DACH2: variants seen among roughly 807,000 people sequenced by gnomAD.
The protein encoded by DACH2 is dachshund family transcription factor 2, also known as dachshund homolog 2.
A neutral mutation model predicts 35.8 loss-of-function variants in DACH2; 17 were observed. That is an observed-to-expected ratio of 0.48 (90% CI 0.33 to 0.71). DACH2 has a LOEUF of 0.71. DACH2 is among the 30% of genes least tolerant of loss of function. The probability of loss-of-function intolerance (pLI) is 0.02; values close to 1 mark genes in which losing one functional copy is unlikely to be tolerated. For synonymous variants in DACH2, 195 were observed against 177.3 expected (o/e 1.10, Z -0.79); for missense variants, 469 against 472.7 (o/e 0.99, Z 0.07).
chrX:86,466,247 G>T (rs1429839559), intron 2 of DACH2, among the ~76,000 whole-genome samples: 2 of 111,460 alleles, frequency 1.8e-5, no homozygotes, highest in East Asian at 5.7e-4. Context: ...TATGAGAACA[G>T]TATGGGGTAA....
intron 2 of DACH2, among the ~76,000 whole-genome samples, chrX:86,398,554 G>T (rs1040101411): frequency 5.4e-5 from 6 of 111,773 alleles, no homozygotes; most frequent in African/African-American, 1.6e-4. Flanking sequence ...TCTACACACT[G>T]CTTTGAATGT....
At chrX:86,755,846 C>T (rs986002561) in intron 7 of DACH2, among the ~76,000 whole-genome samples, 11 of 110,336 alleles carry the variant, frequency 1.0e-4, no homozygotes, top group Non-Finnish European at 1.9e-4. Flanking sequence ...ATCCACCCGC[C>T]TCAGCCTCTC....
chrX:86,468,447 T>TTTTTAGCAGACTGTATCCCAC (rs1462016412), intron 2 of DACH2, among the ~76,000 whole-genome samples: 3 of 111,440 alleles, frequency 2.7e-5, no homozygotes, highest in Admixed American at 9.6e-5. Context: ...TCTTATTCCA[T>TTTTTAGCAGACTGTATCCCAC]TTTTAGCAGA....
intron 2 of DACH2, 43 bp from the exon 3 acceptor site, chrX:86,514,236 G>A (rs1185649521): frequency 5.5e-6 from 6 of 1,099,527 alleles, no homozygotes; most frequent in Non-Finnish European, 7.5e-6. Flanking sequence ...CTCAAAAAGA[G>A]TACATTTTTA....
At position 86,770,342 on chromosome X, in the gene DACH2, A is replaced by G. The variant is rs767403049; in HGVS notation, c.1240+30460A>G. Among the ~76,000 whole-genome samples, 6 of 111,993 alleles carry G rather than the reference A, an allele frequency of 5.4e-5. No individual in the cohort carries two copies. In the East Asian group the frequency reaches 1.7e-3, roughly 32 times the overall value. The stretch of plus-strand genomic sequence containing the variant: ...ACTTAAGTGCTAGACACCTTAGTTC[A>G]GAACATATTTTGAGGAATCATGGAG... On this transcript the variant is annotated intron_variant, in intron 7 of 11. Coordinates refer to ENST00000373125, the MANE Select transcript of DACH2 (RefSeq NM_053281.3).
In DACH2 at chrX:86,539,144, G is replaced by A. The variant is rs764549167; in HGVS notation, c.640+24753G>A. 2.7e-5 allele frequency among the ~76,000 whole-genome samples: 3 copies of A among 110,935 alleles called. No homozygotes were observed. In the South Asian group the frequency reaches 1.2e-3, roughly 43 times the overall value. ...CCCGGCTGGAGATGATTAGATCATG[G>A]GAGTGGTTTCCCCCTTGCTCTTCTT... On this transcript the variant is annotated intron_variant, in intron 3 of 11. Coordinates refer to ENST00000373125, the MANE Select transcript of DACH2 (RefSeq NM_053281.3).
intron 3 of DACH2, among the ~76,000 whole-genome samples, chrX:86,556,937 A>C (rs2039139614): frequency 9.4e-6 from 1 of 106,743 alleles, no homozygotes; most frequent in South Asian, 4.3e-4. Flanking sequence ...GATGTAATTC[A>C]GTCCGAGTGT....
intron 7 of DACH2, among the ~76,000 whole-genome samples, chrX:86,795,878 G>C (rs868866548): frequency 2.3e-5 from 2 of 88,138 alleles, no homozygotes; most frequent in South Asian, 7.7e-4. Context: ...CGGTGGGTTC[G>C]TGGTCTTGCT....
At chrX:86,369,164 C>T (rs1289069899) in intron 1 of DACH2, among the ~76,000 whole-genome samples, 1 of 110,466 alleles carries the variant, frequency 9.1e-6, no homozygotes, top group East Asian at 2.9e-4. Flanking sequence ...GATTTTGAAC[C>T]TGTAAACAAA....
chrX:86,323,035 G>A (rs1185458229), intron 1 of DACH2, among the ~76,000 whole-genome samples: 2 of 112,759 alleles, frequency 1.8e-5, no homozygotes, highest in Non-Finnish European at 3.7e-5. Flanking sequence ...GAATTGGAAA[G>A]CTAGAGAGAG....
chrX:86,543,057 GA>G (rs2038908001), intron 3 of DACH2, among the ~76,000 whole-genome samples: 2 of 112,032 alleles, frequency 1.8e-5, no homozygotes, highest in Non-Finnish European at 3.8e-5. Context: ...GAAGCCAGTA[GA>G]AACATCTGTC....
intron 1 of DACH2, chrX:86,304,744 G>C (rs1459109252): frequency 1.2e-5 from 2 of 163,443 alleles, no homozygotes; most frequent in Non-Finnish European, 2.6e-5. Context: ...AGTCAGATGG[G>C]GTGGTAGAAT....
chrX:86,388,475 G>C (rs981496465), intron 2 of DACH2, among the ~76,000 whole-genome samples: 1 of 111,293 alleles, frequency 9.0e-6, no homozygotes, highest in African/African-American at 3.3e-5. Flanking sequence ...TATTCTGTAC[G>C]TATTCCCAGA....
intron 7 of DACH2, among the ~76,000 whole-genome samples, chrX:86,756,852 G>C (rs2041834531): frequency 9.0e-6 from 1 of 111,512 alleles, no homozygotes; most frequent in Non-Finnish European, 1.9e-5. Flanking sequence ...CAATCAGTAT[G>C]ATGTTAGTTG....
intron 6 of DACH2, among the ~76,000 whole-genome samples, chrX:86,732,910 T>A (rs1285914772): frequency 9.0e-6 from 1 of 111,419 alleles, no homozygotes; most frequent in African/African-American, 3.3e-5. Context: ...CACCATTAAA[T>A]TCACCTACAG....
intron 3 of DACH2, among the ~76,000 whole-genome samples, chrX:86,611,848 G>A (rs2039949660): frequency 9.0e-6 from 1 of 111,014 alleles, no homozygotes; most frequent in African/African-American, 3.3e-5. Flanking sequence ...CCTCTTCAGT[G>A]CCTCTTTCAG....
chrX:86,692,072 T>A (rs1001802050), intron 4 of DACH2, among the ~76,000 whole-genome samples: 2 of 111,456 alleles, frequency 1.8e-5, no homozygotes, highest in South Asian at 7.6e-4. Context: ...CAAAAATGTG[T>A]TCAGAGCATT....
At chrX:86,644,591 G>A (rs2040392247) in intron 3 of DACH2, among the ~76,000 whole-genome samples, 1 of 111,411 alleles carries the variant, frequency 9.0e-6, no homozygotes, top group Non-Finnish European at 1.9e-5. Flanking sequence ...AACCAAAAAA[G>A]AGCTGGAATA....
At chrX:86,750,322 A>T (rs1454193968) in intron 7 of DACH2, among the ~76,000 whole-genome samples, 1 of 111,930 alleles carries the variant, frequency 8.9e-6, no homozygotes, top group East Asian at 2.8e-4. Context: ...ATTTTGTCAC[A>T]TTGTTTTGCT....
Sources: allele counts gnomAD v4.1 joint callset (sites outside exome capture counted in the v4.1 genomes callset), GRCh38; gene constraint gnomAD v4.1.1; transcripts MANE v1.5; gene names NCBI Gene and HGNC (gene_info 2026-07-23, HGNC 2026-07-21).